PHRF1: variants seen among roughly 807,000 people sequenced by gnomAD.
PHRF1 encodes PHD and ring finger domains 1.
A neutral mutation model predicts 128.9 loss-of-function variants in PHRF1; 53 were observed. The observed-to-expected ratio is 0.41, with a 90% CI of 0.33 to 0.52. The LOEUF (loss-of-function observed/expected upper bound fraction) is 0.52. Among genes scored for constraint, PHRF1 ranks in the 20% least tolerant of loss-of-function variants. The pLI is 0.21. For synonymous variants in PHRF1, 1,178 were observed against 980.6 expected (o/e 1.20, Z -3.76); for missense variants, 2,503 against 2,284.5 (o/e 1.10, Z -1.95).
rs1856215240 is a variant in PHRF1 at position 609,511 on chromosome 11, C to G, written c.4055C>G (p.Ala1352Gly). 6 of 1,601,730 alleles carry G rather than the reference C, an allele frequency of 3.7e-6. No individual in the cohort carries two copies. Among genetic ancestry groups the G allele is most frequent in the Non-Finnish European group, 5.1e-6 (6 of 1,177,402 alleles). Residue 1352 changes from alanine (A) to glycine (G), a missense_variant, in exon 14 of 18, where the codon GCT becomes GGT. By Grantham distance (60) the Ala-to-Gly change is moderately conservative. Transcript: ENST00000264555. ...CCACATTTGCTCAGGCCGGACGCGG[C>G]TGAGAAGGCTGAGGCACCCAGTTCC... ...QEPHLLRPDAAEKAEAPSSPD... is the reference protein window; with the variant it reads ...QEPHLLRPDAGEKAEAPSSPD...
Position 608,725 on chromosome 11 carries a change from G to A in PHRF1, c.3269G>A (p.Arg1090Gln), listed in dbSNP as rs368921476. 9 of 1,611,112 alleles carry A rather than the reference G, an allele frequency of 5.6e-6. No homozygotes were observed. The highest frequency in any genetic ancestry group is 2.7e-5 in the African/African-American group (2 of 74,894). ...GPWGHSRRTS[R>Q]SRSGSPGSSS... The stretch of plus-strand genomic sequence containing the variant: ...TGGGGCCACAGCCGGAGGACGTCCC[G>A]GTCGCGGTCGGGGAGCCCTGGCAGC... Residue 1090 changes from arginine to glutamine, a missense_variant, in exon 14 of 18, where the codon CGG becomes CAG. By Grantham distance (43) the Arg-to-Gln change is conservative (BLOSUM62 1). Transcript: ENST00000264555.
Position 597,391 on chromosome 11 carries a change from C to A in PHRF1, c.719-4C>A, listed in dbSNP as rs774738645. On this transcript the variant is annotated splice_region_variant and splice_polypyrimidine_tract_variant and intron_variant, in intron 7 of 17. Transcript: ENST00000264555. The surrounding 1 kb of genome is among the most constrained non-coding windows in gnomAD (Gnocchi z 6.5). ...GGCACATCAGCCCTGGTGGTTCTTC[C>A]CAGATGCGGGTCCCGTGAGTGAGGA... 6.2e-7 allele frequency: 1 copy of A among 1,610,458 alleles called. No individual in the cohort carries two copies. Among genetic ancestry groups the A allele is most frequent in the Non-Finnish European group, 8.5e-7 (1 of 1,177,948 alleles).
At chr11:602,552 G>A (rs1369503338) in intron 10 of PHRF1, among the ~76,000 whole-genome samples, 2 of 151,954 alleles carry the variant, frequency 1.3e-5, no homozygotes, top group Middle Eastern at 3.4e-3. Flanking sequence ...TGTGGTGGCA[G>A]GCACCTGCAG....
chr11:597,133 TG>T lies in PHRF1; in HGVS notation c.718+118del. ...GGGGAGGACATCTAGGGCTGTCTCATGGGGGTTAGGGTTGGCTGCGGTGTCG... is the reference window on the plus strand; with the variant it reads ...GGGGAGGACATCTAGGGCTGTCTCATGGGGTTAGGGTTGGCTGCGGTGTCG... On this transcript the variant is annotated intron_variant, in intron 7 of 17. Transcript: ENST00000264555. The surrounding 1 kb of genome is among the most constrained non-coding windows in gnomAD (Gnocchi z 6.5). 1 of 1,182,116 alleles carries T rather than the reference TG, an allele frequency of 8.5e-7. No individual in the cohort carries two copies. Among genetic ancestry groups the T allele is most frequent in the South Asian group, 1.4e-5 (1 of 71,372 alleles). The allele number at this position is 1,182,116 out of a possible 1,614,324, so 73.2% of individuals were successfully genotyped here. A position where few individuals can be genotyped will look rare whatever the true frequency, so the allele number is the denominator to read the frequency against.
At chr11:594,950 A>G (rs191599287) in intron 6 of PHRF1, among the ~76,000 whole-genome samples, 9 of 152,376 alleles carry the variant, frequency 5.9e-5, no homozygotes, top group Admixed American at 5.2e-4. Flanking sequence ...AAACTGATCA[A>G]TATAACGATT....
chr11:589,291 C>T (rs1189264779), intron 4 of PHRF1, among the ~76,000 whole-genome samples: 1 of 152,212 alleles, frequency 6.6e-6, no homozygotes, highest in Non-Finnish European at 1.5e-5. Flanking sequence ...ACAGCCGTGA[C>T]TGAAGCAAGG....
intron 5 of PHRF1, 84 bp from the exon 6 acceptor site, chr11:592,475 T>A: frequency 7.4e-7 from 1 of 1,359,218 alleles, no homozygotes; most frequent in Non-Finnish European, 1.1e-6. Context: ...AATGGGTGGA[T>A]TCTGGATTAA....
Position 611,876 on chromosome 11 carries a change from T to C in PHRF1, c.*99T>C. 6.7e-7 allele frequency: 1 copy of C among 1,482,576 alleles called. No individual in the cohort carries two copies. Among genetic ancestry groups the C allele is most frequent in the Non-Finnish European group, 8.9e-7 (1 of 1,119,096 alleles). 91.8% of individuals were successfully genotyped at this position (1,482,576 alleles called of 1,614,324 possible). On this transcript the variant is annotated 3_prime_UTR_variant, in exon 18 of 18. Transcript: ENST00000264555. ...TCGGGAGTGGCGGGAATCGGGGCCA[T>C]GCCCGGGGAGCTGTCGGGAGTGGCG...
Position 606,545 on chromosome 11 carries a change from A to G in PHRF1, c.1558A>G (p.Ser520Gly). 6.2e-7 allele frequency: 1 copy of G among 1,610,440 alleles called. No homozygotes were observed. Among genetic ancestry groups the G allele is most frequent in the Non-Finnish European group, 8.5e-7 (1 of 1,179,334 alleles). The change falls in exon 13 of 18, where the codon AGC becomes GGC. Residue 520 changes from serine (S) to glycine (G), a missense_variant. Ser to Gly is a moderately conservative substitution (Grantham distance 56, BLOSUM62 0). Transcript: ENST00000264555. Reference sequence around the variant, plus strand: ...GGGCCAGAGCCTCCTGATGCTGGGCAGCAGTGATGTCATCATCCACCGCGA... The same window carrying G: ...GGGCCAGAGCCTCCTGATGCTGGGCGGCAGTGATGTCATCATCCACCGCGA... ...LSGQSLLMLGSSDVIIHRDGS... is the reference protein window; with the variant it reads ...LSGQSLLMLGGSDVIIHRDGS...
intron 1 of PHRF1, among the ~76,000 whole-genome samples, chr11:578,933 T>C (rs889709455): frequency 1.1e-4 from 17 of 151,822 alleles, no homozygotes; most frequent in Non-Finnish European, 1.8e-4. Context: ...CACTGCAACC[T>C]CCGCCTGCCA....
rs551012403 is a variant in PHRF1 at position 606,459 on chromosome 11, C to T, written c.1472C>T (p.Ala491Val). 2.2e-5 allele frequency: 34 copies of T among 1,567,254 alleles called. No individual in the cohort carries two copies. The highest frequency in any genetic ancestry group is 1.2e-4 in the East Asian group (5 of 42,636). The change falls in exon 13 of 18, where the codon GCG becomes GTG. Residue 491 changes from alanine (A) to valine (V), a missense_variant. Ala to Val is a moderately conservative substitution (Grantham distance 64, BLOSUM62 0). Coordinates refer to ENST00000264555, the MANE Select transcript of PHRF1 (RefSeq NM_001286581.2). Reference sequence around the variant, plus strand: ...GCCCACAGGAGGCGCCTCCCTGCCGCGGTGCCAGAGCCAGACTTGGAGGAG... The same window carrying T: ...GCCCACAGGAGGCGCCTCCCTGCCGTGGTGCCAGAGCCAGACTTGGAGGAG... ...VGLSRRRLPA[A>V]VPEPDLEEEP...
rs1435809968 is a variant in PHRF1, at chr11:608,469, G to A, written c.3013G>A (p.Ala1005Thr). The A allele has an allele frequency of 6.2e-7, 1 of 1,612,522 alleles. No homozygotes were observed. Among genetic ancestry groups the A allele is most frequent in the Non-Finnish European group, 8.5e-7 (1 of 1,179,848 alleles). Residue 1005 changes from alanine to threonine, a missense_variant, in exon 14 of 18, where the codon GCC becomes ACC. Coordinates refer to ENST00000264555, the MANE Select transcript of PHRF1 (RefSeq NM_001286581.2). ...ATCCAGCTCCCGCAGCAGGAAGAAGGCCAAGAGGAAGAGGGTGTCCAGGGA... is the reference window on the plus strand; with the variant it reads ...ATCCAGCTCCCGCAGCAGGAAGAAGACCAAGAGGAAGAGGGTGTCCAGGGA... The part of the protein sequence containing the change: ...STSSSRSRKK[A>T]KRKRVSREHG...
Position 605,183 on chromosome 11 carries a change from G to C in PHRF1, c.1217G>C (p.Ser406Thr). The C allele has an allele frequency of 6.2e-7, 1 of 1,613,580 alleles. No individual in the cohort carries two copies. Among genetic ancestry groups the C allele is most frequent in the Non-Finnish European group, 8.5e-7 (1 of 1,179,864 alleles). ...TLGLRRPVHSSCIPSVLKPVE... is the reference protein window; with the variant it reads ...TLGLRRPVHSTCIPSVLKPVE... ...GGCCTGCGCAGGCCTGTTCACAGCAGCTGCATCCCGTCAGTGTTGAAGCCA... is the reference window on the plus strand; with the variant it reads ...GGCCTGCGCAGGCCTGTTCACAGCACCTGCATCCCGTCAGTGTTGAAGCCA... The change falls in exon 11 of 18, where the codon AGC becomes ACC. Residue 406 changes from serine (S) to threonine (T), a missense_variant. By Grantham distance (58) the Ser-to-Thr change is moderately conservative. Coordinates refer to ENST00000264555, the MANE Select transcript of PHRF1 (RefSeq NM_001286581.2).
At chr11:590,862 C>G (rs1192344890) in intron 4 of PHRF1, among the ~76,000 whole-genome samples, 1 of 152,090 alleles carries the variant, frequency 6.6e-6, no homozygotes, top group Non-Finnish European at 1.5e-5. Context: ...CGCCACCACA[C>G]CTAGCTAATT....
At chr11:610,790 A>T in intron 16 of PHRF1, 29 bp downstream of exon 16, 2 of 1,594,644 alleles carry the variant, frequency 1.3e-6, no homozygotes, top group Non-Finnish European at 1.7e-6. Context: ...CACTTTCCCC[A>T]TGTTCCCATC....
In PHRF1 at chr11:607,737, C is replaced by A. The variant is rs767179863; in HGVS notation, c.2281C>A (p.Pro761Thr). The change falls in exon 14 of 18, where the codon CCA becomes ACA. Residue 761 changes from proline (P) to threonine (T), a missense_variant. Transcript: ENST00000264555. ...PAPSSHGSLA[P>T]LGPSRGKGVG... ...CCCCAGCTCCCATGGCAGTTTGGCC[C>A]CACTGGGACCATCAAGAGGGAAAGG... The A allele has an allele frequency of 6.2e-7, 1 of 1,611,996 alleles. No homozygotes were observed. Among genetic ancestry groups the A allele is most frequent in the Non-Finnish European group, 8.5e-7 (1 of 1,179,478 alleles).
At chr11:605,563 T>C in intron 11 of PHRF1, 42 bp from the exon 12 acceptor site, 1 of 1,602,982 alleles carries the variant, frequency 6.2e-7, no homozygotes, top group Non-Finnish European at 8.5e-7. Context: ...TTCTGGGAGC[T>C]GGGAGTCACT....
chr11:596,102 G>A (rs56322236), intron 6 of PHRF1, among the ~76,000 whole-genome samples: 1,908 of 152,300 alleles, frequency 0.013, 15 homozygotes, highest in Non-Finnish European at 0.017. Context: ...GTGGTAAGTG[G>A]TAGTTAAGTT....
chr11:579,657 G>C (rs1854096290), intron 1 of PHRF1, among the ~76,000 whole-genome samples: 1 of 152,210 alleles, frequency 6.6e-6, no homozygotes, highest in Non-Finnish European at 1.5e-5. Flanking sequence ...CAAGCACCAG[G>C]GGTGCAGACT....
Sources: gnomAD v4.1 joint callset for allele counts (sites outside exome capture counted in the v4.1 genomes callset) on GRCh38, gnomAD v4.1.1 for gene constraint, Gnocchi (gnomAD v3.1) non-coding constraint, MANE v1.5 for transcripts, NCBI Gene and HGNC (gene_info 2026-07-23, HGNC 2026-07-21) for gene names.